Variants in TICRR observed in about 807,000 individuals in gnomAD.
The protein encoded by TICRR is treslin.
A neutral mutation model predicts 178.1 loss-of-function variants in TICRR; 132 were observed. That is an observed-to-expected ratio of 0.74 (90% CI 0.64 to 0.86). TICRR has a LOEUF of 0.86. Among genes scored for constraint, TICRR ranks in the 40% least tolerant of loss-of-function variants. The pLI is 0.00. For synonymous variants in TICRR, 991 were observed against 900.7 expected, an observed-to-expected ratio of 1.10 and a Z score of -1.79; for missense variants, 2,587 against 2,334.3, an observed-to-expected ratio of 1.11 and a Z score of -2.23.
rs1389516434 is a variant in TICRR, at chr15:89,601,971, G to A, written c.2562G>A (p.Lys854=). Residue 854 remains lysine, a synonymous_variant, in exon 12 of 22, where the codon AAG becomes AAA. Coordinates refer to ENST00000268138, the MANE Select transcript of TICRR (RefSeq NM_152259.4). ...LQELRTRSAK[K]RRKNALIRHK... ...AACTTCGTACCAGATCAGCCAAGAA[G>A]AGAAGGTAAGAGGTCAAAGAATCAA... The A allele has an allele frequency of 2.5e-6, 4 of 1,613,942 alleles. No individual in the cohort carries two copies. The highest frequency in any genetic ancestry group is 2.2e-5 in the South Asian group (2 of 91,074).
intron 5 of TICRR, among the ~76,000 whole-genome samples, chr15:89,593,581 C>G (rs962009482): frequency 3.9e-5 from 6 of 152,288 alleles, no homozygotes; most frequent in Admixed American, 3.3e-4. Flanking sequence ...TGGCACATGT[C>G]TGCAGTCCCA....
intron 4 of TICRR, among the ~76,000 whole-genome samples, chr15:89,589,257 A>G (rs933698406): frequency 2.0e-5 from 3 of 152,170 alleles, no homozygotes; most frequent in African/African-American, 7.2e-5. Context: ...GAAGGGGAGC[A>G]TGAGATTGAT....
chr15:89,625,504 A>G lies in TICRR; in HGVS notation c.5194A>G (p.Thr1732Ala), dbSNP rs941067135. 2.3e-5 allele frequency: 37 copies of G among 1,613,662 alleles called. No individual in the cohort carries two copies. Among genetic ancestry groups the G allele is most frequent in the Admixed American group, 5.0e-5 (3 of 59,978 alleles). The change falls in exon 20 of 22, where the codon ACG (threonine) becomes GCG (alanine). Residue 1732 changes from threonine to alanine, a missense_variant. Transcript: ENST00000268138. ...CGGCCTTGAACTCAGCATCCACAGG[A>G]CGCCCATCTTGGAGGATTTTGAGCT... ...DHGLELSIHR[T>A]PILEDFELEG...
chr15:89,588,622 A>G (rs953958311), intron 4 of TICRR, among the ~76,000 whole-genome samples: 2 of 152,122 alleles, frequency 1.3e-5, no homozygotes, highest in Non-Finnish European at 1.5e-5. Context: ...GGTGCTTGAG[A>G]TCATAGAGGG....
intron 9 of TICRR, among the ~76,000 whole-genome samples, chr15:89,601,017 G>T (rs1436314600): frequency 1.6e-5 from 2 of 123,278 alleles, no homozygotes; most frequent in African/African-American, 3.1e-5. Flanking sequence ...CTGCACTCTA[G>T]CCTGGGCAAC....
intron 7 of TICRR, among the ~76,000 whole-genome samples, chr15:89,596,933 T>G: frequency 6.6e-6 from 1 of 152,228 alleles, no homozygotes; most frequent in South Asian, 2.1e-4. Context: ...TATAAATATT[T>G]TCTGACATCC....
intron 1 of TICRR, among the ~76,000 whole-genome samples, chr15:89,577,979 T>G (rs375685312): frequency 1.4e-4 from 22 of 151,914 alleles, no homozygotes; most frequent in African/African-American, 4.8e-4. Context: ...TAAAGAACAT[T>G]CCAGGTGAGG....
At chr15:89,576,261 C>T (rs753211177) in intron 1 of TICRR, 21 bp downstream of exon 1, 2 of 1,523,240 alleles carry the variant, frequency 1.3e-6, no homozygotes, top group South Asian at 2.5e-5. Context: ...TTACTGTCGT[C>T]TCAGATGGCG....
chr15:89,584,856 C>T (rs1224940079), intron 3 of TICRR, among the ~76,000 whole-genome samples: 1 of 152,102 alleles, frequency 6.6e-6, no homozygotes, highest in African/African-American at 2.4e-5. Context: ...ATATTTACTA[C>T]TTTTATATAA....
chr15:89,623,712 T>C lies in TICRR; in HGVS notation c.3402T>C (p.Thr1134=). The change falls in exon 20 of 22, where the codon ACT becomes ACC. Residue 1134 remains threonine (T), a synonymous_variant. Coordinates refer to ENST00000268138, the MANE Select transcript of TICRR (RefSeq NM_152259.4). ...ATACACCACAAACTCCGTTGTATAC[T>C]CCAGAAAGGCTGCAGAAGTCCCCTG... ...ISHTPQTPLY[T]PERLQKSPAK... 1 of 1,613,982 alleles carries C rather than the reference T, an allele frequency of 6.2e-7. No homozygotes were observed.
intron 14 of TICRR, 65 bp downstream of exon 14, chr15:89,606,890 A>T: frequency 7.0e-7 from 1 of 1,420,356 alleles, no homozygotes; most frequent in South Asian, 1.2e-5. Flanking sequence ...TATTGTATGT[A>T]TTTAAGCAGC....
At chr15:89,619,588 G>C (rs1173034931) in intron 17 of TICRR, 120 bp from the exon 18 acceptor site, 2 of 1,052,130 alleles carry the variant, frequency 1.9e-6, no homozygotes, top group Non-Finnish European at 2.8e-6. Context: ...AAAGCTAATA[G>C]CTTGCTGAAT....
chr15:89,626,955 G>GAT lies in TICRR; in HGVS notation c.5603_5604dup (p.Glu1869MetfsTer11). 6.2e-7 allele frequency: 1 copy of GAT among 1,613,802 alleles called. No homozygotes were observed. The highest frequency in any genetic ancestry group is 8.5e-7 in the Non-Finnish European group (1 of 1,179,844). ...TGCTAAGCCTTTCTACCTTCTTCTA[G>GAT]ATGAGGATGTGGATGTTCTTCCCTC... is the stretch of plus-strand genomic sequence containing the variant. On this transcript the variant is annotated frameshift_variant and splice_region_variant. Transcript: ENST00000268138. LOFTEE classifies it high-confidence loss of function.
intron 13 of TICRR, among the ~76,000 whole-genome samples, chr15:89,605,363 C>CTTTTAT (rs879510488): frequency 1.3e-5 from 2 of 152,078 alleles, no homozygotes; most frequent in African/African-American, 2.4e-5. Context: ...GGATGTATGA[C>CTTTTAT]TTTTATTTTT....
In TICRR at chr15:89,627,214, A is replaced by G; in HGVS notation, c.*128A>G. On this transcript the variant is annotated 3_prime_UTR_variant, in exon 22 of 22. Coordinates refer to ENST00000268138, the MANE Select transcript of TICRR (RefSeq NM_152259.4). ...GTTCAGATTGCCATTAGAATGCCTT[A>G]GGGTTTTCTAATTCCCCTTATGGAT... 2 of 1,160,772 alleles carry G rather than the reference A, an allele frequency of 1.7e-6. No individual in the cohort carries two copies. The highest frequency in any genetic ancestry group is 1.2e-6 in the Non-Finnish European group (1 of 822,732). The allele number at this position is 1,160,772 out of a possible 1,614,324, so 71.9% of individuals were successfully genotyped here. A position where few individuals can be genotyped will look rare whatever the true frequency, so the allele number is the denominator to read the frequency against.
At chr15:89,590,475 G>A (rs1380226856) in intron 4 of TICRR, among the ~76,000 whole-genome samples, 2 of 152,162 alleles carry the variant, frequency 1.3e-5, no homozygotes, top group East Asian at 3.8e-4. Flanking sequence ...CTGTATTTTG[G>A]AATCTGGTAA....
chr15:89,586,524 GACAAA>G (rs1055755698), intron 4 of TICRR, among the ~76,000 whole-genome samples: 3 of 152,134 alleles, frequency 2.0e-5, no homozygotes, highest in African/African-American at 4.8e-5. Context: ...AGTCCAGGGA[GACAAA>G]ACAATAAGTC....
chr15:89,601,792 G>T lies in TICRR; in HGVS notation c.2383G>T (p.Val795Leu). 1 of 1,614,192 alleles carries T rather than the reference G, an allele frequency of 6.2e-7. No individual in the cohort carries two copies. The highest frequency in any genetic ancestry group is 8.5e-7 in the Non-Finnish European group (1 of 1,180,026). Residue 795 changes from valine to leucine, a missense_variant, in exon 12 of 22, where the codon GTG becomes TTG. By Grantham distance (32) the Val-to-Leu change is conservative (BLOSUM62 1). Coordinates refer to ENST00000268138, the MANE Select transcript of TICRR (RefSeq NM_152259.4). ...AAATCTTTACAACAGCCTAGGGTTT[G>T]TGATTCCTCAGAAGCTGGCTGGTGT... is the stretch of plus-strand genomic sequence containing the variant. ...LGNLYNSLGF[V>L]IPQKLAGVLP...
At position 89,602,018 on chromosome 15, in the gene TICRR, A is replaced by G. The variant is rs190953326; in HGVS notation, c.2567+42A>G. ...TCAAAGGAATTATTTGCACTGTTAT[A>G]GTTCTGATAAAAGATGTGTTTAAAC... On this transcript the variant is annotated intron_variant, in intron 12 of 21. Coordinates refer to ENST00000268138, the MANE Select transcript of TICRR (RefSeq NM_152259.4). 3.0e-3 allele frequency: 4,774 copies of G among 1,604,928 alleles called. 5 individuals carry two copies. The highest frequency in any genetic ancestry group is 3.6e-3 in the Non-Finnish European group (4,181 of 1,175,034).
Sources: gnomAD v4.1 joint callset for allele counts (sites outside exome capture counted in the v4.1 genomes callset) on GRCh38, gnomAD v4.1.1 for gene constraint, MANE v1.5 for transcripts, NCBI Gene and HGNC (gene_info 2026-07-23, HGNC 2026-07-21) for gene names.